GLIS3: variants seen among roughly 807,000 people sequenced by gnomAD.
GLIS3 encodes the protein zinc finger protein GLIS3.
Under a neutral mutation model 78.6 loss-of-function variants are expected in GLIS3, and 53 were observed. The observed-to-expected ratio is 0.67, with a 90% CI of 0.54 to 0.85. The LOEUF (loss-of-function observed/expected upper bound fraction) is 0.85. Ranked by LOEUF, GLIS3 falls within the 40% of genes least tolerant of loss-of-function variation. The probability of loss-of-function intolerance (pLI) is 0.00; values close to 1 mark genes in which losing one functional copy is unlikely to be tolerated. For missense variants in GLIS3, 1,703 were observed against 1,231.1 expected (o/e 1.38, Z -5.74); for synonymous variants, 684 against 509.9 (o/e 1.34, Z -4.60).
the GLIS3 span, among the ~76,000 whole-genome samples, chr9:4,396,878 C>T: frequency 1.3e-5 from 2 of 152,060 alleles, no homozygotes; most frequent in African/African-American, 4.8e-5. Flanking sequence ...CTGAGCAAGT[C>T]TGATTTCATG....
intron 2 of GLIS3, among the ~76,000 whole-genome samples, chr9:4,230,298 C>A (rs1237849511): frequency 6.6e-6 from 1 of 152,130 alleles, no homozygotes; most frequent in East Asian, 1.9e-4. Flanking sequence ...CAATGAAATA[C>A]CGAACTGCAG....
intron 2 of GLIS3, among the ~76,000 whole-genome samples, chr9:4,330,200 T>C (rs1363406284): frequency 6.6e-6 from 1 of 152,156 alleles, no homozygotes. Flanking sequence ...ATTTTGCCAG[T>C]AGAAGGAAAG....
chr9:3,866,722 G>A (rs1394879413), intron 8 of GLIS3, among the ~76,000 whole-genome samples: 2 of 152,170 alleles, frequency 1.3e-5, no homozygotes, highest in African/African-American at 4.8e-5. Flanking sequence ...TTTAGCAGAG[G>A]CCGTACCATA....
chr9:4,301,373 A>G (rs1456958435), upstream of GLIS3, among the ~76,000 whole-genome samples: 1 of 152,248 alleles, frequency 6.6e-6, no homozygotes, highest in Non-Finnish European at 1.5e-5. Flanking sequence ...AACCACACGT[A>G]AGAAAAGAAA....
At chr9:4,303,542 GA>G (rs1180393565), upstream of GLIS3, among the ~76,000 whole-genome samples, 1 of 152,122 alleles carries the variant, frequency 6.6e-6, no homozygotes, top group African/African-American at 2.4e-5. Flanking sequence ...ACATGTCAGT[GA>G]TGTAATTTTT....
At chr9:4,195,253 G>C (rs572119508) in intron 2 of GLIS3, among the ~76,000 whole-genome samples, 2 of 112,044 alleles carry the variant, frequency 1.8e-5, no homozygotes, top group East Asian at 1.9e-4. Context: ...TGTCTGGGCT[G>C]GTTGAGGCCA....
chr9:3,984,782 T>G (rs1457580912), intron 4 of GLIS3, among the ~76,000 whole-genome samples: 2 of 150,668 alleles, frequency 1.3e-5, no homozygotes, highest in African/African-American at 2.4e-5. Flanking sequence ...AATTCCCACA[T>G]GTTTCAGGAG....
intron 2 of GLIS3, among the ~76,000 whole-genome samples, chr9:4,262,815 T>A (rs1036564244): frequency 5.9e-5 from 9 of 151,982 alleles, no homozygotes; most frequent in African/African-American, 2.2e-4. Flanking sequence ...AAGCCCAGCT[T>A]TTCACAGATA....
chr9:4,226,129 C>G (rs1218953034), intron 2 of GLIS3, among the ~76,000 whole-genome samples: 1 of 152,208 alleles, frequency 6.6e-6, no homozygotes, highest in African/African-American at 2.4e-5. Flanking sequence ...ATTCCTGCCT[C>G]TGAGACAGTC....
At chr9:4,322,622 G>A (rs1057102580) in intron 2 of GLIS3, among the ~76,000 whole-genome samples, 4 of 152,070 alleles carry the variant, frequency 2.6e-5, no homozygotes, top group Non-Finnish European at 4.4e-5. Flanking sequence ...GTGAGATGGT[G>A]TCTCACTGTG....
At chr9:4,057,241 A>G (rs1228151296) in intron 4 of GLIS3, among the ~76,000 whole-genome samples, 1 of 152,086 alleles carries the variant, frequency 6.6e-6, no homozygotes, top group Non-Finnish European at 1.5e-5. Context: ...CCTCCACACT[A>G]TGTTTAATAC....
At chr9:3,835,887 C>T (rs1818321286) in intron 9 of GLIS3, among the ~76,000 whole-genome samples, 1 of 152,186 alleles carries the variant, frequency 6.6e-6, no homozygotes, top group South Asian at 2.1e-4. Context: ...AATCACACTC[C>T]ATGCCTTTTT....
chr9:3,880,060 C>T (rs906492262), intron 7 of GLIS3, among the ~76,000 whole-genome samples: 2 of 152,116 alleles, frequency 1.3e-5, no homozygotes. Flanking sequence ...CCCTCTCTGT[C>T]ACTGCTAAAT....
intron 9 of GLIS3, chr9:3,855,677 G>C (rs1490474985): frequency 2.7e-6 from 1 of 364,570 alleles, no homozygotes; most frequent in South Asian, 2.2e-5. Flanking sequence ...GGCATGCTTG[G>C]GCACAAGAAC....
At chr9:4,054,182 T>A in intron 4 of GLIS3, 1 of 257,916 alleles carries the variant, frequency 3.9e-6, no homozygotes, top group Non-Finnish European at 6.1e-6. Context: ...GACTCTCTGG[T>A]GGCACAGCAG....
intron 4 of GLIS3, among the ~76,000 whole-genome samples, chr9:4,051,160 TCAAA>T: frequency 6.6e-6 from 1 of 152,330 alleles, no homozygotes; most frequent in East Asian, 1.9e-4. Context: ...ACAATGAGCC[TCAAA>T]CAAACAGAGC....
intron 9 of GLIS3, among the ~76,000 whole-genome samples, chr9:3,832,264 A>C (rs947833878): frequency 1.3e-5 from 2 of 151,338 alleles, no homozygotes; most frequent in Non-Finnish European, 2.9e-5. Flanking sequence ...AATAAAAAAT[A>C]AAATTATTTT....
intron 2 of GLIS3, among the ~76,000 whole-genome samples, chr9:4,201,885 C>T (rs2131266159): frequency 6.6e-6 from 1 of 152,192 alleles, no homozygotes; most frequent in Middle Eastern, 3.4e-3. Context: ...CCTGTAATTC[C>T]AGGAGTTTGA....
chr9:4,068,803 A>G (rs1052474849), intron 4 of GLIS3, among the ~76,000 whole-genome samples: 1 of 137,680 alleles, frequency 7.3e-6, no homozygotes, highest in Non-Finnish European at 1.6e-5. Context: ...GGTTTTTGTT[A>G]TTTTTTGTGC....
Sources: gnomAD v4.1 joint callset for allele counts (sites outside exome capture counted in the v4.1 genomes callset) on GRCh38, gnomAD v4.1.1 for gene constraint, MANE v1.5 for transcripts, NCBI Gene and HGNC (gene_info 2026-07-23, HGNC 2026-07-21) for gene names.